The following S100A9 variants were observed in gnomAD, a reference collection of about 807,000 sequenced individuals.
The protein encoded by S100A9 is protein S100-A9.
A neutral mutation model predicts 4.3 loss-of-function variants in S100A9; 2 were observed. That is an observed-to-expected ratio of 0.47 (90% confidence interval 0.19 to 1.48). S100A9 has a LOEUF of 1.48. Among genes scored for constraint, S100A9 ranks in the 40% most tolerant of loss-of-function variants. S100A9 has a pLI of 0.24. For synonymous variants in S100A9, 67 were observed against 54.0 expected (o/e 1.24, Z -1.06); for missense variants, 130 against 144.4 (o/e 0.90, Z 0.51).
chr1:153,359,083 C>T (rs9988616), intron 2 of S100A9, among the ~76,000 whole-genome samples: 7,723 of 152,050 alleles, frequency 0.051, 694 homozygotes, highest in African/African-American at 0.18. Context: ...GTTTTTCCCC[C>T]GCTCCAAAAA....
At chr1:153,358,619 A>G (rs1267805424) in intron 2 of S100A9, among the ~76,000 whole-genome samples, 186 bp downstream of exon 2, 1 of 152,178 alleles carries the variant, frequency 6.6e-6, no homozygotes, top group Admixed American at 6.5e-5. Context: ...CAGGGTCAAG[A>G]AATTGCTCAA....
In S100A9 at chr1:153,360,860, A is replaced by AGTGGCCACGGCCACGGCCACAGTCATG. The variant is rs777809131; in HGVS notation, c.*37_*63dup. On this transcript the variant is annotated 3_prime_UTR_variant, in exon 3 of 3. Coordinates refer to ENST00000368738, the MANE Select transcript of S100A9 (RefSeq NM_002965.4). ...CTAAGACCACAGTGGCCAAGATCAC[A>AGTGGCCACGGCCACGGCCACAGTCATG]GTGGCCACGGCCACGGCCACAGTCA... 6.5e-6 allele frequency: 10 copies of AGTGGCCACGGCCACGGCCACAGTCATG among 1,546,526 alleles called. No homozygotes were observed. The highest frequency in any genetic ancestry group is 3.8e-5 in the Admixed American group (2 of 52,516).
At chr1:153,358,821 G>A (rs542326882) in intron 2 of S100A9, among the ~76,000 whole-genome samples, 3 of 152,154 alleles carry the variant, frequency 2.0e-5, no homozygotes, top group African/African-American at 7.2e-5. Context: ...GGGCTGGGTG[G>A]GGTGGAGGTG....
Position 153,357,858 on chromosome 1 carries a change from ACT to A in S100A9, c.-36_-35del, listed in dbSNP as rs1374390864. On this transcript the variant is annotated 5_prime_UTR_variant, in exon 1 of 3. Transcript: ENST00000368738. The stretch of plus-strand genomic sequence containing the variant: ...CCGAGCCTGCACAGCTCTGGCAAAC[ACT>A]CTGTGTGGCTCCTCGGCTTTGGTAA... The A allele has an allele frequency of 6.5e-6, 1 of 154,510 alleles. No individual in the cohort carries two copies. The highest frequency in any genetic ancestry group is 1.4e-5 in the Non-Finnish European group (1 of 69,440). The allele number at this position is 154,510 out of a possible 1,614,324, so 9.6% of individuals were successfully genotyped here.
intron 2 of S100A9, among the ~76,000 whole-genome samples, chr1:153,358,765 A>G (rs1661394194): frequency 6.6e-6 from 1 of 152,210 alleles, no homozygotes; most frequent in Non-Finnish European, 1.5e-5. Context: ...GCCAAATGCC[A>G]ATAAGTGCCT....
rs777881831 is a variant in S100A9 at position 153,360,721 on chromosome 1, C to T, written c.228C>T (p.Phe76=). 15 of 1,613,928 alleles carry T rather than the reference C, an allele frequency of 9.3e-6. No individual in the cohort carries two copies. Among genetic ancestry groups the T allele is most frequent in the East Asian group, 2.2e-5 (1 of 44,878 alleles). The change falls in exon 3 of 3, where the codon TTC becomes TTT. Residue 76 remains phenylalanine (F), a synonymous_variant. Transcript: ENST00000368738. ...LDTNADKQLS[F]EEFIMLMARL... ...CAAATGCAGACAAGCAGCTGAGCTT[C>T]GAGGAGTTCATCATGCTGATGGCGA...
intron 2 of S100A9, 137 bp downstream of exon 2, chr1:153,358,570 C>G: frequency 1.5e-6 from 1 of 685,996 alleles, no homozygotes; most frequent in Non-Finnish European, 2.4e-6. Context: ...AGCGAGTGTC[C>G]TGTTATACAG....
chr1:153,360,822 G>A lies in S100A9; in HGVS notation c.329G>A (p.Gly110Glu). ...GGCCACCACCATAAGCCAGGCCTCG[G>A]GGAGGGCACCCCCTAAGACCACAGT... The part of the protein sequence containing the change: ...GPGHHHKPGL[G>E]EGTP Residue 110 changes from glycine to glutamate, a missense_variant, in exon 3 of 3, where the codon GGG becomes GAG. By Grantham distance (98) the Gly-to-Glu change is moderately conservative. Transcript: ENST00000368738. The A allele has an allele frequency of 6.2e-7, 1 of 1,609,056 alleles. No homozygotes were observed. Among genetic ancestry groups the A allele is most frequent in the Non-Finnish European group, 8.5e-7 (1 of 1,177,384 alleles).
intron 2 of S100A9, among the ~76,000 whole-genome samples, chr1:153,359,062 G>A (rs1661398754): frequency 6.6e-6 from 1 of 152,138 alleles, no homozygotes; most frequent in Non-Finnish European, 1.5e-5. Flanking sequence ...CAGCACTCAG[G>A]GAACTGGGAG....
intron 2 of S100A9, among the ~76,000 whole-genome samples, chr1:153,359,171 G>A (rs1661400345): frequency 6.6e-6 from 1 of 152,060 alleles, no homozygotes; most frequent in Non-Finnish European, 1.5e-5. Flanking sequence ...GGGAAAGTCG[G>A]GAAACAGAGG....
intron 2 of S100A9, among the ~76,000 whole-genome samples, chr1:153,359,323 G>A (rs1661402034): frequency 3.3e-5 from 5 of 152,062 alleles, no homozygotes; most frequent in African/African-American, 1.2e-4. Flanking sequence ...TCAGAGTTAG[G>A]GGCCCTGACA....
chr1:153,359,575 G>A (rs1289204375), intron 2 of S100A9, among the ~76,000 whole-genome samples: 1 of 152,050 alleles, frequency 6.6e-6, no homozygotes, highest in Non-Finnish European at 1.5e-5. Context: ...TTCTGGGAGG[G>A]GACTTAGCGA....
chr1:153,360,622 A>G (rs1451120812), intron 2 of S100A9, 22 bp from the exon 3 acceptor site: 8 of 1,565,612 alleles, frequency 5.1e-6, no homozygotes, highest in Non-Finnish European at 6.1e-6. Flanking sequence ...CAGCTCTCAC[A>G]GCCTTCTCTC....
In S100A9 at chr1:153,359,605, G is replaced by C. The variant is rs545192789; in HGVS notation, c.151-1039G>C. Among the ~76,000 whole-genome samples the C allele has an allele frequency of 8.0e-4, 121 of 152,028 alleles. 1 individual carries two copies. The highest frequency in any genetic ancestry group is 2.8e-3 in the African/African-American group (116 of 41,480). ...TAGCGAGGTGACTCAGCCAGAGGGT[G>C]GCAGAGCTGGAACCAACCAGTGCTC... On this transcript the variant is annotated intron_variant, in intron 2 of 2. Coordinates refer to ENST00000368738, the MANE Select transcript of S100A9 (RefSeq NM_002965.4).
intron 2 of S100A9, among the ~76,000 whole-genome samples, chr1:153,359,367 A>G (rs1002574074): frequency 2.0e-5 from 3 of 151,826 alleles, no homozygotes; most frequent in Non-Finnish European, 4.4e-5. Context: ...GGCAGGCAGG[A>G]TGCTGGGTGG....
chr1:153,359,570 G>A (rs1661408425), intron 2 of S100A9, among the ~76,000 whole-genome samples: 1 of 152,114 alleles, frequency 6.6e-6, no homozygotes, highest in African/African-American at 2.4e-5. Context: ...ACAGGTTCTG[G>A]GAGGGGACTT....
intron 2 of S100A9, among the ~76,000 whole-genome samples, chr1:153,359,970 T>C (rs1661418202): frequency 6.6e-6 from 1 of 152,124 alleles, no homozygotes; most frequent in Non-Finnish European, 1.5e-5. Context: ...ATTACAAGCA[T>C]GAGCCACCCT....
rs1359491021 is a variant in S100A9 at position 153,360,734 on chromosome 1, A to T, written c.241A>T (p.Met81Leu). The change falls in exon 3 of 3, where the codon ATG becomes TTG. Residue 81 changes from methionine (M) to leucine (L), a missense_variant. Transcript: ENST00000368738. ...GCAGCTGAGCTTCGAGGAGTTCATCATGCTGATGGCGAGGCTAACCTGGGC... is the reference window on the plus strand; with the variant it reads ...GCAGCTGAGCTTCGAGGAGTTCATCTTGCTGATGGCGAGGCTAACCTGGGC... ...DKQLSFEEFI[M>L]LMARLTWASH... The T allele has an allele frequency of 6.2e-7, 1 of 1,614,152 alleles. No individual in the cohort carries two copies. The highest frequency in any genetic ancestry group is 1.3e-5 in the African/African-American group (1 of 75,062).
intron 2 of S100A9, among the ~76,000 whole-genome samples, chr1:153,358,654 C>T (rs1230555092): frequency 6.6e-6 from 1 of 152,142 alleles, no homozygotes; most frequent in Non-Finnish European, 1.5e-5. Context: ...TTTGTCGGGC[C>T]CTGTTCTGGG....
Sources: allele counts gnomAD v4.1 joint callset (sites outside exome capture counted in the v4.1 genomes callset), GRCh38; gene constraint gnomAD v4.1.1; transcripts MANE v1.5; gene names NCBI Gene and HGNC (gene_info 2026-07-23, HGNC 2026-07-21).